The following CTNND2 variants were observed in gnomAD, a reference collection of about 807,000 sequenced individuals.
CTNND2 encodes the protein catenin delta-2.
In CTNND2, 22 loss-of-function variants were observed where a neutral mutation model predicts 144.4. The observed-to-expected ratio is 0.15, with a 90% confidence interval of 0.11 to 0.22. CTNND2 has a LOEUF of 0.22. CTNND2 is among the 10% of genes least tolerant of loss of function. CTNND2 has a pLI of 1.00. For missense variants in CTNND2, 1,353 were observed against 1,618.8 expected (o/e 0.84, Z 2.82); for synonymous variants, 751 against 695.6 (o/e 1.08, Z -1.25).
intron 18 of CTNND2, among the ~76,000 whole-genome samples, chr5:11,004,269 A>G (rs1486021384): frequency 6.6e-6 from 1 of 152,238 alleles, no homozygotes; most frequent in Non-Finnish European, 1.5e-5. Context: ...CTGTGTTTCA[A>G]TTAGTACTGC....
chr5:11,364,228 A>T (rs1173316260), intron 8 of CTNND2, among the ~76,000 whole-genome samples: 2 of 152,248 alleles, frequency 1.3e-5, no homozygotes, highest in Non-Finnish European at 2.9e-5. Context: ...ATTAGTGTAT[A>T]TGAAATAAAT....
intron 11 of CTNND2, among the ~76,000 whole-genome samples, chr5:11,164,813 G>A (rs540388353): frequency 6.6e-6 from 1 of 152,116 alleles, no homozygotes; most frequent in Non-Finnish European, 1.5e-5. Context: ...TTTAATTTCA[G>A]CAGAAACCTC....
chr5:11,546,260 C>T (rs1259889703), intron 3 of CTNND2, among the ~76,000 whole-genome samples: 2 of 148,040 alleles, frequency 1.4e-5, no homozygotes, highest in Non-Finnish European at 3.0e-5. Context: ...GGATGAATTG[C>T]ATGGCATTTG....
At chr5:11,580,003 G>A (rs1371751209) in intron 2 of CTNND2, among the ~76,000 whole-genome samples, 1 of 152,152 alleles carries the variant, frequency 6.6e-6, no homozygotes, top group Non-Finnish European at 1.5e-5. Flanking sequence ...AAATTAAACA[G>A]TCAACAAAGC....
chr5:11,259,500 T>A (rs528407633), intron 9 of CTNND2, among the ~76,000 whole-genome samples: 1 of 152,296 alleles, frequency 6.6e-6, no homozygotes, highest in African/African-American at 2.4e-5. Flanking sequence ...GACATCTCAC[T>A]GCATGCTCAT....
At chr5:10,990,868 C>T (rs1386576668) in intron 19 of CTNND2, among the ~76,000 whole-genome samples, 1 of 152,218 alleles carries the variant, frequency 6.6e-6, no homozygotes, top group African/African-American at 2.4e-5. Flanking sequence ...GAAAAGGCTG[C>T]TTCTCTCTTC....
intron 10 of CTNND2, among the ~76,000 whole-genome samples, chr5:11,230,250 G>T (rs1285769205): frequency 4.7e-5 from 7 of 148,452 alleles, no homozygotes; most frequent in Non-Finnish European, 8.9e-5. Flanking sequence ...ATAGCATTGG[G>T]AGATATACCT....
At chr5:11,046,224 A>G (rs1745230717) in intron 16 of CTNND2, among the ~76,000 whole-genome samples, 1 of 152,192 alleles carries the variant, frequency 6.6e-6, no homozygotes, top group Non-Finnish European at 1.5e-5. Context: ...CTAATCCAAT[A>G]TGACAGAGAT....
At chr5:11,590,750 C>T (rs1410338844) in intron 2 of CTNND2, among the ~76,000 whole-genome samples, 1 of 150,992 alleles carries the variant, frequency 6.6e-6, no homozygotes, top group Non-Finnish European at 1.5e-5. Flanking sequence ...TACTTTGTAA[C>T]ATCCACTCCC....
chr5:11,245,354 A>G (rs1742883494), intron 9 of CTNND2, among the ~76,000 whole-genome samples: 1 of 152,154 alleles, frequency 6.6e-6, no homozygotes, highest in Non-Finnish European at 1.5e-5. Flanking sequence ...GACTTTGCAG[A>G]TGTGATTCAG....
chr5:11,475,435 A>C (rs1409262090), intron 3 of CTNND2, among the ~76,000 whole-genome samples: 1 of 152,228 alleles, frequency 6.6e-6, no homozygotes, highest in African/African-American at 2.4e-5. Context: ...GTTTGGGTTC[A>C]ATAGCATTTA....
intron 9 of CTNND2, among the ~76,000 whole-genome samples, chr5:11,312,975 T>C (rs1302129442): frequency 2.6e-5 from 4 of 152,170 alleles, no homozygotes; most frequent in African/African-American, 9.7e-5. Flanking sequence ...GCCTGTGGTT[T>C]GCAGCTCCTT....
At chr5:11,253,430 T>C (rs1743874985) in intron 9 of CTNND2, among the ~76,000 whole-genome samples, 1 of 152,226 alleles carries the variant, frequency 6.6e-6, no homozygotes, top group South Asian at 2.1e-4. Context: ...GTTTCCCCCA[T>C]ACTATTTTCA....
intron 1 of CTNND2, among the ~76,000 whole-genome samples, chr5:11,797,051 T>A (rs1791442546): frequency 6.6e-6 from 1 of 152,218 alleles, no homozygotes; most frequent in Non-Finnish European, 1.5e-5. Flanking sequence ...AAAAGGCAAG[T>A]ATCAGGGAAA....
rs556980958 is a variant in CTNND2, at chr5:11,199,313, T to C, written c.1975+135A>G. ...ACCATTTTCTTCAGTTGTTTACTCA[T>C]TTGAAAACACATATTGAGACCGCCT... is the stretch of plus-strand genomic sequence containing the variant. On this transcript the variant is annotated intron_variant, in intron 11 of 21. Transcript: ENST00000304623. 4.2e-6 allele frequency: 3 copies of C among 712,510 alleles called. No individual in the cohort carries two copies. The South Asian group carries it at 6.0e-5, about 14-fold the overall frequency. The allele number at this position is 712,510 out of a possible 1,614,324, so 44.1% of individuals were successfully genotyped here.
chr5:11,875,614 A>T (rs1308220490), intron 1 of CTNND2, among the ~76,000 whole-genome samples: 1 of 152,116 alleles, frequency 6.6e-6, no homozygotes, highest in Non-Finnish European at 1.5e-5. Context: ...GCAGGGGAAG[A>T]GATGTCACAA....
At chr5:11,750,077 C>A (rs1788529513) in intron 1 of CTNND2, among the ~76,000 whole-genome samples, 1 of 151,924 alleles carries the variant, frequency 6.6e-6, no homozygotes, top group South Asian at 2.1e-4. Context: ...CCTTTCTGGT[C>A]TTGGTATGAA....
At chr5:11,608,618 T>G (rs1581601133) in intron 2 of CTNND2, among the ~76,000 whole-genome samples, 1 of 152,256 alleles carries the variant, frequency 6.6e-6, no homozygotes, top group Middle Eastern at 3.4e-3. Context: ...GCTCCTCCAC[T>G]TCACATAATC....
At chr5:11,674,129 T>A (rs1784046571) in intron 2 of CTNND2, among the ~76,000 whole-genome samples, 1 of 152,212 alleles carries the variant, frequency 6.6e-6, no homozygotes, top group African/African-American at 2.4e-5. Flanking sequence ...AAGTGTTGAT[T>A]CTTTGAATAT....
Sources: gnomAD v4.1 joint callset for allele counts (sites outside exome capture counted in the v4.1 genomes callset) on GRCh38, gnomAD v4.1.1 for gene constraint, MANE v1.5 for transcripts, NCBI Gene and HGNC (gene_info 2026-07-23, HGNC 2026-07-21) for gene names.